The following DMXL2 variants were observed in gnomAD, a reference collection of about 807,000 sequenced individuals.
DMXL2 encodes Dmx like 2.
In DMXL2, 103 loss-of-function variants were observed where a neutral mutation model predicts 331.1. The observed-to-expected ratio is 0.31, with a 90% CI of 0.27 to 0.37. DMXL2 has a LOEUF of 0.37. DMXL2 is among the 10% of genes least tolerant of loss of function. The probability of loss-of-function intolerance (pLI) is 1.00; values close to 1 mark genes in which losing one functional copy is unlikely to be tolerated. For synonymous variants in DMXL2, 1,281 were observed against 1,252.1 expected (o/e 1.02, Z -0.49); for missense variants, 3,171 against 3,642.9 (o/e 0.87, Z 3.33).
At chr15:51,511,846 A>AGCC (rs1195395830) in intron 15 of DMXL2, among the ~76,000 whole-genome samples, 19 of 152,210 alleles carry the variant, frequency 1.2e-4, no homozygotes, top group Admixed American at 1.1e-3. Flanking sequence ...TACACCATGG[A>AGCC]ATACTATGCA....
At chr15:51,535,828 T>C (rs769409757) in intron 12 of DMXL2, 44 bp from the exon 13 acceptor site, 2 of 1,550,198 alleles carry the variant, frequency 1.3e-6, no homozygotes, top group East Asian at 2.3e-5. Context: ...ACATGTAGTG[T>C]ATTTTTCTTA....
chr15:51,463,045 C>A (rs910827971), intron 33 of DMXL2: 9 of 159,934 alleles, frequency 5.6e-5, no homozygotes, highest in Admixed American at 1.9e-4. Flanking sequence ...ATTTTAAGTA[C>A]ATATTTGGAG....
chr15:51,577,036 T>C (rs1178890142), intron 1 of DMXL2, among the ~76,000 whole-genome samples: 9 of 152,200 alleles, frequency 5.9e-5, no homozygotes, highest in African/African-American at 2.2e-4. Flanking sequence ...TTTGTGAATT[T>C]TATGACCTAA....
intron 19 of DMXL2, 53 bp downstream of exon 19, chr15:51,494,971 C>A: frequency 1.5e-6 from 2 of 1,294,670 alleles, no homozygotes; most frequent in Non-Finnish European, 2.2e-6. Context: ...TACACCCCAT[C>A]GCTCCAATAT....
intron 13 of DMXL2, among the ~76,000 whole-genome samples, chr15:51,527,596 G>A (rs910512293): frequency 1.3e-5 from 2 of 151,986 alleles, no homozygotes; most frequent in Non-Finnish European, 2.9e-5. Flanking sequence ...GGGCGTGGCA[G>A]TGTGCGAGTG....
At chr15:51,505,066 G>C (rs560631884) in intron 16 of DMXL2, among the ~76,000 whole-genome samples, 1 of 152,070 alleles carries the variant, frequency 6.6e-6, no homozygotes, top group African/African-American at 2.4e-5. Context: ...CATATATAAA[G>C]CACCAATCTC....
rs1191855359 is a variant in DMXL2 at position 51,481,258 on chromosome 15, T to C, written c.5848A>G (p.Ile1950Val). 11 of 1,613,944 alleles carry C rather than the reference T, an allele frequency of 6.8e-6. No homozygotes were observed. The highest frequency in any genetic ancestry group is 8.5e-6 in the Non-Finnish European group (10 of 1,179,938). ...ALSDGNGSSGIEWSNVTSSQY... is the reference protein window; with the variant it reads ...ALSDGNGSSGVEWSNVTSSQY... ...GATGAAGTTACATTTGACCATTCAA[T>C]GCCAGAACTTCCATTGCCATCACTC... Residue 1950 changes from isoleucine (I) to valine (V), a missense_variant, in exon 24 of 44, where the codon ATT becomes GTT. By Grantham distance (29) the Ile-to-Val change is conservative. This residue lies in a region of DMXL2 where 244 missense variants were observed against 251.4 expected (regional missense o/e 0.97). Transcript: ENST00000560891.
intron 1 of DMXL2, among the ~76,000 whole-genome samples, chr15:51,576,600 A>G (rs2051064858): frequency 6.6e-6 from 1 of 152,228 alleles, no homozygotes; most frequent in African/African-American, 2.4e-5. Flanking sequence ...ATATCAAGAT[A>G]GAAATCAGGC....
chr15:51,460,931 C>T (rs1196835233), intron 33 of DMXL2, among the ~76,000 whole-genome samples: 1 of 152,092 alleles, frequency 6.6e-6, no homozygotes, highest in Admixed American at 6.6e-5. Flanking sequence ...TTCAGTTTCT[C>T]AATCATGCTA....
chr15:51,610,747 G>A (rs372596286), intron 1 of DMXL2, among the ~76,000 whole-genome samples: 12 of 147,808 alleles, frequency 8.1e-5, no homozygotes, highest in Admixed American at 2.0e-4. Flanking sequence ...CAGCCTGGGC[G>A]ACAGAGCGAG....
chr15:51,532,349 G>T (rs547233056), intron 13 of DMXL2, among the ~76,000 whole-genome samples: 2 of 152,256 alleles, frequency 1.3e-5, no homozygotes, highest in Non-Finnish European at 2.9e-5. Context: ...GACCCATAGA[G>T]ATAGAGTAGA....
At chr15:51,527,163 CAT>C (rs2140797262) in intron 13 of DMXL2, among the ~76,000 whole-genome samples, 1 of 152,172 alleles carries the variant, frequency 6.6e-6, no homozygotes, top group Admixed American at 6.5e-5. Context: ...AAACAAATAA[CAT>C]ACAGTGGAGC....
At chr15:51,512,287 T>C (rs2046801493) in intron 15 of DMXL2, among the ~76,000 whole-genome samples, 1 of 152,148 alleles carries the variant, frequency 6.6e-6, no homozygotes, top group South Asian at 2.1e-4. Context: ...ACTCTTTAAA[T>C]AGACAATGAA....
intron 1 of DMXL2, among the ~76,000 whole-genome samples, chr15:51,592,864 TGAGA>T (rs939013646): frequency 6.6e-6 from 1 of 152,174 alleles, no homozygotes; most frequent in African/African-American, 2.4e-5. Context: ...AAGCAAATGC[TGAGA>T]GATTTTGTCA....
In DMXL2 at chr15:51,464,791, C is replaced by A. The variant is rs1342099067; in HGVS notation, c.7692G>T (p.Gln2564His). 1.2e-6 allele frequency: 2 copies of A among 1,614,140 alleles called. No homozygotes were observed. Among genetic ancestry groups the A allele is most frequent in the South Asian group, 2.2e-5 (2 of 91,090 alleles). Residue 2564 changes from glutamine to histidine, a missense_variant, in exon 32 of 44, where the codon CAG becomes CAT. Physicochemically the swap from Gln to His is conservative, Grantham distance 24 (BLOSUM62 0). Around this residue, in one of 7 missense-constraint regions of DMXL2, gnomAD observed 766 missense variants for 940.5 expected, o/e 0.81. Coordinates refer to ENST00000560891, the MANE Select transcript of DMXL2 (RefSeq NM_001378457.1). ...WEQILQEKMD[Q>H]FEGPPPNYIN... ...TATAGTTAGGGGGTGGACCTTCAAA[C>A]TGATCCATTTTCTCTTGCAAGATCT...
intron 2 of DMXL2, 134 bp from the exon 3 acceptor site, chr15:51,568,692 T>C (rs1346230277): frequency 6.3e-6 from 4 of 630,106 alleles, no homozygotes; most frequent in Non-Finnish European, 1.1e-5. Context: ...TCCATAAATA[T>C]ACCTGGAAGT....
chr15:51,544,310 T>A (rs908893265), intron 8 of DMXL2, among the ~76,000 whole-genome samples: 1 of 152,088 alleles, frequency 6.6e-6, no homozygotes, highest in Non-Finnish European at 1.5e-5. Flanking sequence ...CATTTAAAAA[T>A]GTGTGGCACC....
At chr15:51,537,796 A>T (rs1425118941) in intron 10 of DMXL2, 37 bp from the exon 11 acceptor site, 1 of 1,580,178 alleles carries the variant, frequency 6.3e-7, no homozygotes, top group South Asian at 1.2e-5. Flanking sequence ...ACAAGCATTA[A>T]ATAATTCATT....
chr15:51,475,347 A>C (rs1185499521), intron 27 of DMXL2, among the ~76,000 whole-genome samples: 1 of 152,086 alleles, frequency 6.6e-6, no homozygotes, highest in Non-Finnish European at 1.5e-5. Flanking sequence ...CAAAATAATT[A>C]GCCGGTCATG....
Sources: gnomAD v4.1 joint callset for allele counts (sites outside exome capture counted in the v4.1 genomes callset) on GRCh38, gnomAD v4.1.1 for gene constraint, gnomAD v4.1.1 regional missense constraint, MANE v1.5 for transcripts, NCBI Gene and HGNC (gene_info 2026-07-23, HGNC 2026-07-21) for gene names.